PRKG1: variants seen among roughly 807,000 people sequenced by gnomAD.
PRKG1 encodes the protein cGMP-dependent protein kinase 1.
PRKG1 carries 35 observed loss-of-function variants against 88.1 expected under a neutral mutation model. The ratio of observed to expected loss-of-function variants is 0.40; its 90% CI spans 0.30 to 0.53. The LOEUF (loss-of-function observed/expected upper bound fraction) is 0.53. PRKG1 is among the 20% of genes least tolerant of loss of function. The probability of loss-of-function intolerance (pLI) is 0.59; values close to 1 mark genes in which losing one functional copy is unlikely to be tolerated. For synonymous variants in PRKG1, 303 were observed against 292.5 expected (o/e 1.04, Z -0.37); for missense variants, 540 against 839.8 (o/e 0.64, Z 4.41).
chr10:51,075,000 T>C (rs1000856134), intron 1 of PRKG1, 99 bp downstream of exon 1: 101 of 1,419,248 alleles, frequency 7.1e-5, no homozygotes, highest in Non-Finnish European at 9.2e-5. Context: ...CCGCTTGCCA[T>C]GTCTGTCCTC....
intron 5 of PRKG1, among the ~76,000 whole-genome samples, chr10:52,008,914 A>G (rs1163670874): frequency 6.6e-6 from 1 of 152,154 alleles, no homozygotes; most frequent in East Asian, 1.9e-4. Flanking sequence ...TCACATAAAC[A>G]GAACTAAAAA....
chr10:51,799,051 C>T (rs1054643773), intron 3 of PRKG1, among the ~76,000 whole-genome samples: 2 of 151,944 alleles, frequency 1.3e-5, no homozygotes, highest in Non-Finnish European at 2.9e-5. Flanking sequence ...TACCAAGGTC[C>T]ACCCACCTGA....
chr10:51,270,441 G>A (rs1839948911), intron 2 of PRKG1, among the ~76,000 whole-genome samples: 1 of 151,986 alleles, frequency 6.6e-6, no homozygotes, highest in African/African-American at 2.4e-5. Flanking sequence ...CCTTTCCATA[G>A]TTAAATACCC....
intron 3 of PRKG1, among the ~76,000 whole-genome samples, chr10:51,559,148 G>T (rs184251840): frequency 5.9e-5 from 9 of 152,000 alleles, no homozygotes. Flanking sequence ...TCAGTTTCAG[G>T]CATCCACTGA....
At position 51,970,686 on chromosome 10, in the gene PRKG1, G is replaced by GATATATATATCAGATATATCATCTGAT. The variant is rs1564733783; in HGVS notation, c.762+63138_762+63164dup. On this transcript the variant is annotated intron_variant, in intron 5 of 17. Transcript: ENST00000373980. ...ATATTGTATACATGATTAATCATCT[G>GATATATATATCAGATATATCATCTGAT]ATATATATATCAGATATATCATCTG... Among the ~76,000 whole-genome samples the GATATATATATCAGATATATCATCTGAT allele has an allele frequency of 2.3e-3, 327 of 139,752 alleles. 17 individuals carry two copies. The highest frequency in any genetic ancestry group is 0.016 in the East Asian group (73 of 4,544). 91.7% of individuals were successfully genotyped at this position (139,752 alleles called of 152,430 possible). A position where few individuals can be genotyped will look rare whatever the true frequency, so the allele number is the denominator to read the frequency against.
intron 5 of PRKG1, among the ~76,000 whole-genome samples, chr10:52,024,294 T>C (rs1391504740): frequency 2.3e-5 from 3 of 132,796 alleles, no homozygotes; most frequent in Non-Finnish European, 4.8e-5. Flanking sequence ...CTTATTTATT[T>C]ATTCATTTAT....
chr10:51,017,264 T>C (rs1174106316), intron 1 of PRKG1, among the ~76,000 whole-genome samples: 1 of 152,168 alleles, frequency 6.6e-6, no homozygotes, highest in Non-Finnish European at 1.5e-5. Context: ...ATATTGTATT[T>C]TTACAATATC....
At chr10:51,290,019 A>G (rs1049702899) in intron 2 of PRKG1, among the ~76,000 whole-genome samples, 4 of 152,140 alleles carry the variant, frequency 2.6e-5, no homozygotes, top group Non-Finnish European at 5.9e-5. Context: ...TACTTGAATT[A>G]GGGATTATTC....
At chr10:51,463,980 G>C (rs1839811892) in intron 2 of PRKG1, among the ~76,000 whole-genome samples, 1 of 152,170 alleles carries the variant, frequency 6.6e-6, no homozygotes, top group Non-Finnish European at 1.5e-5. Flanking sequence ...AAAAAATGCA[G>C]TGCTTTTTGG....
intron 17 of PRKG1, among the ~76,000 whole-genome samples, chr10:52,293,298 G>T (rs1424936884): frequency 6.6e-6 from 1 of 151,630 alleles, no homozygotes; most frequent in Admixed American, 6.6e-5. Context: ...CATGCTCATG[G>T]GTAGGAAGAA....
chr10:51,512,193 GTT>G (rs796923024), intron 3 of PRKG1, among the ~76,000 whole-genome samples: 43 of 117,716 alleles, frequency 3.7e-4, no homozygotes, highest in African/African-American at 1.1e-3. Flanking sequence ...TTTTTTTTTA[GTT>G]TTTTTTTTTT....
intron 4 of PRKG1, among the ~76,000 whole-genome samples, chr10:51,904,287 C>T (rs533029083): frequency 1.3e-5 from 2 of 151,966 alleles, no homozygotes; most frequent in African/African-American, 4.8e-5. Context: ...AACATTTTAT[C>T]TGGAAGTTTG....
At chr10:52,204,635 G>A (rs1010642814) in intron 9 of PRKG1, among the ~76,000 whole-genome samples, 1 of 152,104 alleles carries the variant, frequency 6.6e-6, no homozygotes, top group African/African-American at 2.4e-5. Flanking sequence ...CAATACTCTT[G>A]TGATTTCCTA....
intron 3 of PRKG1, chr10:51,698,952 G>A (rs1053413546): frequency 6.2e-7 from 1 of 1,614,140 alleles, no homozygotes; most frequent in African/African-American, 1.3e-5. Context: ...CCTGGGATCA[G>A]TGGTGTGACA....
intron 3 of PRKG1, among the ~76,000 whole-genome samples, chr10:51,751,238 T>G (rs923690632): frequency 6.6e-6 from 1 of 152,092 alleles, no homozygotes; most frequent in African/African-American, 2.4e-5. Context: ...GTTTGTTTGT[T>G]TGTTTGTTTC....
intron 1 of PRKG1, among the ~76,000 whole-genome samples, chr10:51,117,754 A>C (rs1019227370): frequency 2.6e-5 from 4 of 152,246 alleles, no homozygotes; most frequent in Non-Finnish European, 5.9e-5. Context: ...CTCATATAAC[A>C]TACCTTATTG....
At chr10:52,268,485 A>T (rs957307081) in intron 10 of PRKG1, among the ~76,000 whole-genome samples, 8 of 152,032 alleles carry the variant, frequency 5.3e-5, no homozygotes, top group African/African-American at 1.9e-4. Flanking sequence ...GGAAAATGTC[A>T]GTGAGGCTTT....
chr10:51,927,627 T>C (rs1333524948), intron 5 of PRKG1, among the ~76,000 whole-genome samples: 2 of 152,130 alleles, frequency 1.3e-5, no homozygotes, highest in East Asian at 3.9e-4. Flanking sequence ...CCACTTTATT[T>C]AGTTAAGGAA....
At chr10:52,000,204 T>G (rs961452294) in intron 5 of PRKG1, among the ~76,000 whole-genome samples, 2 of 152,058 alleles carry the variant, frequency 1.3e-5, no homozygotes, top group Non-Finnish European at 2.9e-5. Context: ...TTAGCTGCAT[T>G]GTTTTATGAT....
Sources: allele counts gnomAD v4.1 joint callset (sites outside exome capture counted in the v4.1 genomes callset), GRCh38; gene constraint gnomAD v4.1.1; transcripts MANE v1.5; gene names NCBI Gene and HGNC (gene_info 2026-07-23, HGNC 2026-07-21).